Variants in RAPGEF4 observed in about 807,000 individuals in gnomAD.
RAPGEF4 encodes the protein RAP guanine-nucleotide-exchange factor (GEF) 4.
RAPGEF4 carries 66 observed loss-of-function variants against 147.9 expected under a neutral mutation model. That is an observed-to-expected ratio of 0.45 (90% CI 0.37 to 0.55). The LOEUF (loss-of-function observed/expected upper bound fraction) is 0.55, where lower values mean the gene tolerates loss of function less well. RAPGEF4 is among the 20% of genes least tolerant of loss of function. The pLI, the probability that RAPGEF4 is intolerant of heterozygous loss-of-function variation, is 0.00. For synonymous variants in RAPGEF4, 419 were observed against 442.7 expected, an observed-to-expected ratio of 0.95 and a Z score of 0.67; for missense variants, 1,071 against 1,257.3, an observed-to-expected ratio of 0.85 and a Z score of 2.24.
At position 173,033,935 on chromosome 2, in the gene RAPGEF4, A is replaced by C; in HGVS notation, c.2671A>C (p.Lys891Gln). 6.2e-7 allele frequency: 1 copy of C among 1,613,328 alleles called. No individual in the cohort carries two copies. The highest frequency in any genetic ancestry group is 8.5e-7 in the Non-Finnish European group (1 of 1,179,820). The change falls in exon 27 of 31, where the codon AAG (lysine) becomes CAG (glutamine). Residue 891 changes from lysine to glutamine, a missense_variant. Physicochemically the swap from Lys to Gln is moderately conservative, Grantham distance 53. Coordinates refer to ENST00000397081, the MANE Select transcript of RAPGEF4 (RefSeq NM_007023.4). Reference protein sequence around the residue: ...TWEKLPSKFKKFYAEFESLMD... With the variant: ...TWEKLPSKFKQFYAEFESLMD... The stretch of plus-strand genomic sequence containing the variant: ...ACAGAAACTGCCAAGCAAGTTCAAG[A>C]AGTTCTATGCGGAGTTTGAAAGTTT...
intron 3 of RAPGEF4, among the ~76,000 whole-genome samples, chr2:172,807,539 T>C (rs1183487705): frequency 2.0e-5 from 3 of 152,342 alleles, no homozygotes; most frequent in Non-Finnish European, 4.4e-5. Context: ...ATTAAGAGAT[T>C]GGGTTCCATT....
intron 3 of RAPGEF4, among the ~76,000 whole-genome samples, chr2:172,809,241 A>G (rs796681669): frequency 7.2e-5 from 11 of 152,236 alleles, no homozygotes; most frequent in African/African-American, 2.4e-4. Flanking sequence ...GGGTAGCATG[A>G]TGAGACTTGG....
At chr2:172,916,761 T>C (rs1486017145) in intron 4 of RAPGEF4, among the ~76,000 whole-genome samples, 1 of 152,232 alleles carries the variant, frequency 6.6e-6, no homozygotes, top group Non-Finnish European at 1.5e-5. Flanking sequence ...CAAACGCCAT[T>C]CAAATCTACC....
At chr2:172,869,990 G>T (rs141653596) in intron 4 of RAPGEF4, among the ~76,000 whole-genome samples, 4 of 152,130 alleles carry the variant, frequency 2.6e-5, no homozygotes, top group African/African-American at 9.7e-5. Flanking sequence ...CGGGGAGTGG[G>T]CATTTCAAAC....
intron 10 of RAPGEF4, among the ~76,000 whole-genome samples, chr2:172,973,107 C>CTTTTTTTTTTTTTT (rs58806286): frequency 1.5e-5 from 2 of 132,588 alleles, no homozygotes; most frequent in African/African-American, 2.8e-5. Flanking sequence ...CTTTTTTTTT[C>CTTTTTTTTTTTTTT]TTTTTTTTTT....
chr2:172,856,990 T>G (rs1693486483), intron 4 of RAPGEF4, among the ~76,000 whole-genome samples: 1 of 123,170 alleles, frequency 8.1e-6, no homozygotes, highest in South Asian at 3.0e-4. Context: ...CCTTTATTTC[T>G]GCCTGTTCTC....
chr2:172,824,931 G>A (rs1044548126), intron 4 of RAPGEF4, among the ~76,000 whole-genome samples: 10 of 152,184 alleles, frequency 6.6e-5, no homozygotes, highest in African/African-American at 2.4e-4. Context: ...CCCAGGAAAA[G>A]AATCACTAGT....
At chr2:172,821,784 A>G (rs1689093198) in intron 4 of RAPGEF4, 1 of 1,230,744 alleles carries the variant, frequency 8.1e-7, no homozygotes, top group African/African-American at 1.6e-5. Context: ...TTATTGCCTT[A>G]GACTGCCTGA....
intron 17 of RAPGEF4, among the ~76,000 whole-genome samples, chr2:173,005,648 G>A (rs531043942): frequency 1.4e-5 from 2 of 147,716 alleles, no homozygotes; most frequent in East Asian, 2.1e-4. Context: ...TCAGCCTCCC[G>A]AGTAGCTGGA....
intron 25 of RAPGEF4, among the ~76,000 whole-genome samples, chr2:173,029,803 A>AAT (rs1350266063): frequency 6.6e-6 from 1 of 152,190 alleles, no homozygotes; most frequent in African/African-American, 2.4e-5. Flanking sequence ...AAAGGTCTAG[A>AAT]AATCTCCAAG....
intron 1 of RAPGEF4, among the ~76,000 whole-genome samples, chr2:172,784,034 T>C (rs2149517451): frequency 6.6e-6 from 1 of 152,344 alleles, no homozygotes; most frequent in African/African-American, 2.4e-5. Flanking sequence ...CTCTCCTGGA[T>C]TCCCATTCTC....
In RAPGEF4 at chr2:172,969,284, T is replaced by C. The variant is rs145170781; in HGVS notation, c.1004+1840T>C. ...AGGTGCTAAGGCATTAAGGTAAACA[T>C]TGAACAAGAAGGCTTCTCCTCCTTG... On this transcript the variant is annotated intron_variant, in intron 10 of 30. Coordinates refer to ENST00000397081, the MANE Select transcript of RAPGEF4 (RefSeq NM_007023.4). 5.9e-5 allele frequency among the ~76,000 whole-genome samples: 9 copies of C among 152,368 alleles called. 1 individual carries two copies. The East Asian group carries it at 1.7e-3, about 29-fold the overall frequency.
chr2:173,050,038 T>A (rs1246913814), intron 30 of RAPGEF4, among the ~76,000 whole-genome samples: 1 of 152,202 alleles, frequency 6.6e-6, no homozygotes, highest in Non-Finnish European at 1.5e-5. Context: ...TAAAATAATA[T>A]GCTTTGTTTT....
At chr2:172,842,889 G>C (rs1305929757) in intron 4 of RAPGEF4, among the ~76,000 whole-genome samples, 1 of 152,204 alleles carries the variant, frequency 6.6e-6, no homozygotes, top group Non-Finnish European at 1.5e-5. Context: ...AACATAGTCT[G>C]CCCCACAGGC....
intron 16 of RAPGEF4, among the ~76,000 whole-genome samples, chr2:172,997,334 G>C (rs1251571777): frequency 2.0e-5 from 3 of 152,138 alleles, no homozygotes; most frequent in Non-Finnish European, 4.4e-5. Context: ...TTATAAGGAT[G>C]GCAGTCATAT....
chr2:172,952,154 G>T lies in RAPGEF4; in HGVS notation c.538-8606G>T, dbSNP rs538602070. The stretch of plus-strand genomic sequence containing the variant: ...GTCTCTCAAGTAGCTAGGACTGCAG[G>T]CATGTGCCACCACACCAGGCTATTT... On this transcript the variant is annotated intron_variant, in intron 6 of 30. Transcript: ENST00000397081. Among the ~76,000 whole-genome samples the T allele has an allele frequency of 2.0e-5, 3 of 152,256 alleles. No homozygotes were observed. The East Asian group carries it at 5.8e-4, about 29-fold the overall frequency.
chr2:172,973,622 G>T (rs1386613619), intron 10 of RAPGEF4, among the ~76,000 whole-genome samples: 1 of 152,082 alleles, frequency 6.6e-6, no homozygotes, highest in East Asian at 1.9e-4. Context: ...CGTCAGTGGG[G>T]GCATCTGCCA....
chr2:172,791,463 G>C (rs1685818913), intron 1 of RAPGEF4, among the ~76,000 whole-genome samples: 1 of 152,178 alleles, frequency 6.6e-6, no homozygotes, highest in Non-Finnish European at 1.5e-5. Context: ...ATTGCATTAT[G>C]AAATTAGAGA....
intron 4 of RAPGEF4, among the ~76,000 whole-genome samples, chr2:172,832,972 G>A (rs1690521553): frequency 6.6e-6 from 1 of 152,214 alleles, no homozygotes; most frequent in African/African-American, 2.4e-5. Flanking sequence ...TCCCAGCCAA[G>A]GTGGGCGGAT....
Sources: allele counts gnomAD v4.1 joint callset (sites outside exome capture counted in the v4.1 genomes callset), GRCh38; gene constraint gnomAD v4.1.1; transcripts MANE v1.5; gene names NCBI Gene and HGNC (gene_info 2026-07-23, HGNC 2026-07-21).